The following SNTG1 variants were observed in gnomAD, a reference collection of about 807,000 sequenced individuals.
SNTG1 encodes the protein syntrophin gamma 1, also known as gamma-1-syntrophin.
A neutral mutation model predicts 74.7 loss-of-function variants in SNTG1; 39 were observed. That is an observed-to-expected ratio of 0.52 (90% CI 0.40 to 0.68). SNTG1 has a LOEUF of 0.68. Among genes scored for constraint, SNTG1 ranks in the 30% least tolerant of loss-of-function variants. The probability of loss-of-function intolerance (pLI) is 0.00; values close to 1 mark genes in which losing one functional copy is unlikely to be tolerated. For missense variants in SNTG1, 685 were observed against 609.5 expected, an observed-to-expected ratio of 1.12 and a Z score of -1.30; for synonymous variants, 254 against 217.1, an observed-to-expected ratio of 1.17 and a Z score of -1.49.
At chr8:50,315,634 T>C (rs562173766) in intron 2 of SNTG1, among the ~76,000 whole-genome samples, 2 of 149,982 alleles carry the variant, frequency 1.3e-5, no homozygotes, top group Non-Finnish European at 2.9e-5. Context: ...AGTGTAGAAC[T>C]AAAATGAAGC....
At chr8:50,071,678 A>G (rs1237373172) in intron 1 of SNTG1, among the ~76,000 whole-genome samples, 1 of 151,866 alleles carries the variant, frequency 6.6e-6, no homozygotes, top group East Asian at 1.9e-4. Context: ...GGGTTTCACC[A>G]TGTTGGCCAG....
intron 2 of SNTG1, among the ~76,000 whole-genome samples, chr8:50,220,169 A>G (rs900641142): frequency 3.3e-5 from 5 of 152,122 alleles, no homozygotes; most frequent in Non-Finnish European, 7.3e-5. Context: ...ATTGATCATG[A>G]TACCACAATC....
At chr8:50,503,169 A>G (rs1285213981) in intron 9 of SNTG1, among the ~76,000 whole-genome samples, 1 of 152,214 alleles carries the variant, frequency 6.6e-6, no homozygotes, top group Admixed American at 6.5e-5. Context: ...CATGTCTATT[A>G]AATTTCATCA....
chr8:50,725,484 C>A (rs2095497847), intron 17 of SNTG1, among the ~76,000 whole-genome samples: 1 of 152,022 alleles, frequency 6.6e-6, no homozygotes, highest in Non-Finnish European at 1.5e-5. Context: ...TAAATATAGT[C>A]TTAATAATAT....
intron 2 of SNTG1, among the ~76,000 whole-genome samples, chr8:50,260,462 T>A (rs2087126772): frequency 6.6e-6 from 1 of 152,004 alleles, no homozygotes; most frequent in Non-Finnish European, 1.5e-5. Context: ...ATCACTAAAG[T>A]ACTGTTGAAT....
intron 1 of SNTG1, among the ~76,000 whole-genome samples, chr8:49,994,415 C>T (rs1813997708): frequency 7.7e-6 from 1 of 129,784 alleles, no homozygotes; most frequent in Non-Finnish European, 1.7e-5. Context: ...GCCACCATGC[C>T]CGGCTATTTT....
intron 2 of SNTG1, among the ~76,000 whole-genome samples, chr8:50,281,966 G>A (rs1208851984): frequency 6.6e-6 from 1 of 152,172 alleles, no homozygotes; most frequent in African/African-American, 2.4e-5. Flanking sequence ...TATTGACAGA[G>A]CAGGAGCATC....
At chr8:50,613,986 T>C (rs911056055) in intron 13 of SNTG1, among the ~76,000 whole-genome samples, 2 of 152,166 alleles carry the variant, frequency 1.3e-5, no homozygotes, top group Admixed American at 1.3e-4. Flanking sequence ...ATTCAACTTT[T>C]AGAATGATGT....
intron 2 of SNTG1, among the ~76,000 whole-genome samples, chr8:50,192,518 ATTTG>A (rs1165044300): frequency 6.6e-6 from 1 of 151,626 alleles, no homozygotes; most frequent in Admixed American, 6.6e-5. Context: ...TGTTTTACTG[ATTTG>A]TTTGAGTTTG....
chr8:50,523,772 A>T (rs1187809596), intron 9 of SNTG1, among the ~76,000 whole-genome samples: 1 of 152,188 alleles, frequency 6.6e-6, no homozygotes, highest in East Asian at 1.9e-4. Context: ...ACACAAAGTG[A>T]CCACAAGCTA....
chr8:50,143,242 A>G lies in SNTG1; in HGVS notation c.-102-29319A>G, dbSNP rs369827607. On this transcript the variant is annotated intron_variant, in intron 1 of 18. Transcript: ENST00000642720. ...TTTGTTTACATGTTTCTGATTTCCA[A>G]TACTCACAATAATATCACTTTCTGT... Among the ~76,000 whole-genome samples the G allele has an allele frequency of 1.5e-3, 221 of 152,266 alleles. 2 individuals carry two copies. The highest frequency in any genetic ancestry group is 5.1e-3 in the African/African-American group (213 of 41,552).
chr8:50,413,712 A>G (rs770858655), intron 4 of SNTG1, among the ~76,000 whole-genome samples: 1 of 152,194 alleles, frequency 6.6e-6, no homozygotes, highest in Non-Finnish European at 1.5e-5. Context: ...TGGATGTTAG[A>G]TCAGCTCCCT....
intron 1 of SNTG1, among the ~76,000 whole-genome samples, chr8:50,038,105 C>A (rs1013505236): frequency 6.6e-6 from 1 of 152,198 alleles, no homozygotes; most frequent in African/African-American, 2.4e-5. Flanking sequence ...AGGAATGGCT[C>A]CATCATTTTG....
intron 1 of SNTG1, among the ~76,000 whole-genome samples, chr8:50,113,752 T>G (rs573867649): frequency 6.6e-6 from 1 of 152,178 alleles, no homozygotes; most frequent in Non-Finnish European, 1.5e-5. Flanking sequence ...TTTTGAGATA[T>G]GTTCCATCAA....
intron 18 of SNTG1, among the ~76,000 whole-genome samples, chr8:50,784,924 G>T (rs1382360155): frequency 1.3e-5 from 2 of 152,036 alleles, no homozygotes; most frequent in Non-Finnish European, 2.9e-5. Context: ...ATGCAAATAT[G>T]AGGATATTAA....
intron 1 of SNTG1, among the ~76,000 whole-genome samples, chr8:50,066,820 T>C (rs1283781116): frequency 6.6e-6 from 1 of 152,220 alleles, no homozygotes; most frequent in African/African-American, 2.4e-5. Flanking sequence ...GTTATATCTG[T>C]CGAACTAGCT....
intron 2 of SNTG1, among the ~76,000 whole-genome samples, chr8:50,307,504 T>C (rs1021163736): frequency 1.3e-5 from 2 of 152,100 alleles, no homozygotes; most frequent in Admixed American, 6.6e-5. Context: ...GAATTTTCTA[T>C]TTTTTTATTT....
At chr8:50,492,084 C>T (rs1184973206) in intron 8 of SNTG1, among the ~76,000 whole-genome samples, 1 of 152,136 alleles carries the variant, frequency 6.6e-6, no homozygotes, top group South Asian at 2.1e-4. Flanking sequence ...TTTATGACTG[C>T]ATAGTATTCT....
intron 1 of SNTG1, among the ~76,000 whole-genome samples, chr8:50,082,155 A>C (rs981197138): frequency 3.9e-5 from 6 of 152,002 alleles, no homozygotes; most frequent in Non-Finnish European, 4.4e-5. Context: ...TGTGGTGAGA[A>C]ATTTTCATTG....
Sources: allele counts gnomAD v4.1 joint callset (sites outside exome capture counted in the v4.1 genomes callset), GRCh38; gene constraint gnomAD v4.1.1; transcripts MANE v1.5; gene names NCBI Gene and HGNC (gene_info 2026-07-23, HGNC 2026-07-21).